The following DENND1A variants were observed in gnomAD, a reference collection of about 807,000 sequenced individuals.
DENND1A encodes the protein DENN domain containing 1A, also known as DENN domain-containing protein 1A.
A neutral mutation model predicts 113.7 loss-of-function variants in DENND1A; 51 were observed. The ratio of observed to expected loss-of-function variants is 0.45; its 90% CI spans 0.36 to 0.57. The LOEUF is 0.57. DENND1A is among the 20% of genes least tolerant of loss of function. DENND1A has a pLI of 0.00. For missense variants in DENND1A, 1,258 were observed against 1,395.9 expected (o/e 0.90, Z 1.57); for synonymous variants, 565 against 570.8 (o/e 0.99, Z 0.14).
intron 13 of DENND1A, among the ~76,000 whole-genome samples, chr9:123,526,402 C>G (rs1342597991): frequency 6.6e-6 from 1 of 152,196 alleles, no homozygotes; most frequent in Non-Finnish European, 1.5e-5. Context: ...TCCCCAGGTG[C>G]TCTCTCATCA....
intron 5 of DENND1A, among the ~76,000 whole-genome samples, chr9:123,750,332 C>T (rs535462032): frequency 1.3e-5 from 2 of 152,216 alleles, no homozygotes; most frequent in Admixed American, 6.5e-5. Flanking sequence ...ATAAAACATG[C>T]AACATTCCCC....
chr9:123,674,026 C>T (rs2063895667), intron 6 of DENND1A, among the ~76,000 whole-genome samples: 1 of 152,074 alleles, frequency 6.6e-6, no homozygotes, highest in Non-Finnish European at 1.5e-5. Flanking sequence ...CAGCACTGGG[C>T]CACAGCTGCT....
chr9:123,577,239 A>C (rs1342126873), intron 12 of DENND1A, among the ~76,000 whole-genome samples: 2 of 151,944 alleles, frequency 1.3e-5, no homozygotes, highest in African/African-American at 4.8e-5. Context: ...CTGATGTTTT[A>C]TTCAGTGGTA....
At chr9:123,519,793 T>C (rs1456689950) in intron 13 of DENND1A, among the ~76,000 whole-genome samples, 1 of 152,134 alleles carries the variant, frequency 6.6e-6, no homozygotes, top group Non-Finnish European at 1.5e-5. Flanking sequence ...GCATGGCATG[T>C]GACTCAATTC....
chr9:123,588,632 A>AT (rs1291927512), intron 11 of DENND1A, among the ~76,000 whole-genome samples: 3 of 116,498 alleles, frequency 2.6e-5, no homozygotes, highest in African/African-American at 9.9e-5. Flanking sequence ...AAAAAAAAAA[A>AT]AGGGGGGGGG....
At chr9:123,499,914 C>A (rs2052319439) in intron 13 of DENND1A, among the ~76,000 whole-genome samples, 1 of 152,194 alleles carries the variant, frequency 6.6e-6, no homozygotes, top group East Asian at 1.9e-4. Context: ...CGCTTGGCAC[C>A]CAGCACAGAG....
At chr9:123,428,409 G>T (rs1472912860) in intron 19 of DENND1A, among the ~76,000 whole-genome samples, 1 of 152,026 alleles carries the variant, frequency 6.6e-6, no homozygotes, top group Non-Finnish European at 1.5e-5. Context: ...CCTCAAAATA[G>T]TAAGAGCCAT....
At chr9:123,563,144 CA>C (rs2057858044) in intron 12 of DENND1A, among the ~76,000 whole-genome samples, 1 of 152,082 alleles carries the variant, frequency 6.6e-6, no homozygotes. Flanking sequence ...AAGACACAAC[CA>C]CAATGGCAGG....
intron 3 of DENND1A, among the ~76,000 whole-genome samples, chr9:123,787,017 C>A (rs1229520817): frequency 6.6e-6 from 1 of 152,050 alleles, no homozygotes; most frequent in Non-Finnish European, 1.5e-5. Context: ...GAATACAAGG[C>A]CCCAAGGACC....
At chr9:123,832,028 A>T (rs1292144561) in intron 2 of DENND1A, among the ~76,000 whole-genome samples, 2 of 152,322 alleles carry the variant, frequency 1.3e-5, no homozygotes, top group Middle Eastern at 3.4e-3. Flanking sequence ...GGACATGTTG[A>T]TTCACTTGAT....
intron 10 of DENND1A, among the ~76,000 whole-genome samples, chr9:123,621,702 G>A (rs181908841): frequency 8.5e-5 from 13 of 152,196 alleles, no homozygotes; most frequent in Non-Finnish European, 1.3e-4. Flanking sequence ...TTCTGCTTCC[G>A]CCGCACCACA....
At chr9:123,590,570 G>A (rs1044171523) in intron 11 of DENND1A, among the ~76,000 whole-genome samples, 1 of 152,162 alleles carries the variant, frequency 6.6e-6, no homozygotes, top group African/African-American at 2.4e-5. Flanking sequence ...AAAGTACTTG[G>A]AGTAGTGCCT....
At chr9:123,388,299 C>T (rs147591796) in intron 21 of DENND1A, among the ~76,000 whole-genome samples, 5 of 152,306 alleles carry the variant, frequency 3.3e-5, no homozygotes, top group East Asian at 1.9e-4. Context: ...ACACCACATT[C>T]GCTGTCATCT....
At chr9:123,582,563 T>C (rs1397663615) in intron 12 of DENND1A, among the ~76,000 whole-genome samples, 1 of 151,284 alleles carries the variant, frequency 6.6e-6, no homozygotes, top group Non-Finnish European at 1.5e-5. Context: ...CCATGCTCAG[T>C]TAATTTTTTG....
intron 13 of DENND1A, among the ~76,000 whole-genome samples, chr9:123,507,530 G>C (rs1196319218): frequency 6.6e-6 from 1 of 152,084 alleles, no homozygotes; most frequent in Non-Finnish European, 1.5e-5. Flanking sequence ...CTCCCAAGTA[G>C]ACTAAAGCAG....
chr9:123,409,575 C>T (rs1171850584), intron 20 of DENND1A, among the ~76,000 whole-genome samples: 2 of 151,626 alleles, frequency 1.3e-5, no homozygotes, highest in Non-Finnish European at 2.9e-5. Flanking sequence ...TTCTAGAGTC[C>T]AGATGACCTT....
chr9:123,808,635 T>G (rs1044452676), intron 2 of DENND1A, among the ~76,000 whole-genome samples: 1 of 152,050 alleles, frequency 6.6e-6, no homozygotes, highest in Non-Finnish European at 1.5e-5. Context: ...CCCTGCCTAA[T>G]TTTCATTTCT....
At chr9:123,871,641 T>C (rs1331562032) in intron 2 of DENND1A, among the ~76,000 whole-genome samples, 1 of 152,208 alleles carries the variant, frequency 6.6e-6, no homozygotes, top group Non-Finnish European at 1.5e-5. Context: ...ATGTTGCTGC[T>C]TAACACCCAC....
intron 2 of DENND1A, among the ~76,000 whole-genome samples, chr9:123,858,437 G>A (rs148206527): frequency 6.6e-6 from 1 of 152,156 alleles, no homozygotes; most frequent in African/African-American, 2.4e-5. Flanking sequence ...GATTTAATTG[G>A]ATGTAGGGTG....
Sources: gnomAD v4.1 joint callset for allele counts (sites outside exome capture counted in the v4.1 genomes callset) on GRCh38, gnomAD v4.1.1 for gene constraint, MANE v1.5 for transcripts, NCBI Gene and HGNC (gene_info 2026-07-23, HGNC 2026-07-21) for gene names.